Variants in KCTD19 observed in about 807,000 individuals in gnomAD.
The protein encoded by KCTD19 is BTB/POZ domain-containing protein KCTD19.
In KCTD19, 67 loss-of-function variants were observed where a neutral mutation model predicts 103.5. The ratio of observed to expected loss-of-function variants is 0.65; its 90% CI spans 0.53 to 0.79. The LOEUF (loss-of-function observed/expected upper bound fraction) is 0.79, where lower values mean the gene tolerates loss of function less well. Among genes scored for constraint, KCTD19 ranks in the 30% least tolerant of loss-of-function variants. The pLI is 0.00. For missense variants in KCTD19, 980 were observed against 1,136.1 expected, an observed-to-expected ratio of 0.86 and a Z score of 1.98; for synonymous variants, 439 against 452.2, an observed-to-expected ratio of 0.97 and a Z score of 0.37.
At chr16:67,317,444 C>T (rs2037024883) in intron 2 of KCTD19, among the ~76,000 whole-genome samples, 1 of 151,210 alleles carries the variant, frequency 6.6e-6, no homozygotes, top group South Asian at 2.1e-4. Flanking sequence ...CACCACTGCA[C>T]TCTCACCTGG....
chr16:67,294,060 T>C lies in KCTD19; in HGVS notation c.1702A>G (p.Thr568Ala), dbSNP rs1235996304. 6.2e-7 allele frequency: 1 copy of C among 1,614,108 alleles called. No homozygotes were observed. Among genetic ancestry groups the C allele is most frequent in the South Asian group, 1.1e-5 (1 of 91,078 alleles). Reference protein sequence around the residue: ...SNQMDEAEQYTRPIQVSLCRN... With the variant: ...SNQMDEAEQYARPIQVSLCRN... Reference sequence around the variant, plus strand: ...CATAGGGACACCTGGATGGGCCGAGTGTACTGCTCAGCCTCATCCATCTGG... The same window carrying C: ...CATAGGGACACCTGGATGGGCCGAGCGTACTGCTCAGCCTCATCCATCTGG... Residue 568 changes from threonine to alanine, a missense_variant, in exon 12 of 16, where the codon ACT (threonine) becomes GCT (alanine). Coordinates refer to ENST00000304372, the MANE Select transcript of KCTD19 (RefSeq NM_001100915.3).
In KCTD19 at chr16:67,295,246, G is replaced by A. The variant is rs1297970779; in HGVS notation, c.1391+17C>T. 20 of 1,612,948 alleles carry A rather than the reference G, an allele frequency of 1.2e-5. No individual in the cohort carries two copies. Among genetic ancestry groups the A allele is most frequent in the East Asian group, 2.2e-5 (1 of 44,862 alleles). ...AGCCTTCGTGATTTCATCTTACTGC[G>A]TCCTTGCTTCACTTACTTAAATTCA... is the stretch of plus-strand genomic sequence containing the variant. On this transcript the variant is annotated intron_variant, in intron 9 of 15. Coordinates refer to ENST00000304372, the MANE Select transcript of KCTD19 (RefSeq NM_001100915.3).
At chr16:67,299,035 G>T (rs2036801705) in intron 6 of KCTD19, among the ~76,000 whole-genome samples, 1 of 152,228 alleles carries the variant, frequency 6.6e-6, no homozygotes, top group Non-Finnish European at 1.5e-5. Context: ...GTCTGCACAG[G>T]GAGGTACCCA....
chr16:67,303,413 C>T lies in KCTD19; in HGVS notation c.452-76G>A. ...TGATTCCAGCAGGGCTTTCACTGAC[C>T]CAGGGGCCCCAGAGGATGCTAGAGA... On this transcript the variant is annotated intron_variant, in intron 3 of 15. Coordinates refer to ENST00000304372, the MANE Select transcript of KCTD19 (RefSeq NM_001100915.3). This position sits in a 1 kb window ranked among gnomAD's most constrained non-coding sequence, Gnocchi z 4.3. 3 of 1,290,042 alleles carry T rather than the reference C, an allele frequency of 2.3e-6. No homozygotes were observed. Among genetic ancestry groups the T allele is most frequent in the Non-Finnish European group, 3.2e-6 (3 of 935,110 alleles). The allele number at this position is 1,290,042 out of a possible 1,614,324, so 79.9% of individuals were successfully genotyped here. A position where few individuals can be genotyped will look rare whatever the true frequency, so the allele number is the denominator to read the frequency against.
At position 67,320,821 on chromosome 16, in the gene KCTD19, T is replaced by C. The variant is rs369646083; in HGVS notation, c.68A>G (p.His23Arg). ...DLFHFNVGGW[H>R]FSVPRSKLSQ... ...GAGTTTGCTTCTGGGAACTGAGAAA[T>C]GCCAGCCCCCTACGTTGAAATGAAA... The change falls in exon 2 of 16, where the codon CAT (histidine) becomes CGT (arginine). Residue 23 changes from histidine to arginine, a missense_variant. Transcript: ENST00000304372. This position sits in a 1 kb window ranked among gnomAD's most constrained non-coding sequence, Gnocchi z 4.0. 2.0e-5 allele frequency: 32 copies of C among 1,614,034 alleles called. No individual in the cohort carries two copies. The highest frequency in any genetic ancestry group is 1.6e-4 in the Middle Eastern group (1 of 6,084).
In KCTD19 at chr16:67,299,558, G is replaced by A; in HGVS notation, c.791C>T (p.Thr264Ile). Reference protein sequence around the residue: ...YRMNMGGCSPTTCSPLSPGKG... With the variant: ...YRMNMGGCSPITCSPLSPGKG... ...CCCGGGGCTCAGGGGAGAACAGGTG[G>A]TCGGGGAACAGCCACCTGTGTCAGA... is the stretch of plus-strand genomic sequence containing the variant. The change falls in exon 6 of 16, where the codon ACC becomes ATC. Residue 264 changes from threonine to isoleucine, a missense_variant. Physicochemically the swap from Thr to Ile is moderately conservative, Grantham distance 89. Coordinates refer to ENST00000304372, the MANE Select transcript of KCTD19 (RefSeq NM_001100915.3). 15 of 1,612,546 alleles carry A rather than the reference G, an allele frequency of 9.3e-6. No individual in the cohort carries two copies. In the African/African-American group the frequency reaches 9.3e-5, roughly 10 times the overall value.
At chr16:67,294,759 C>A (rs2036745311) in intron 10 of KCTD19, 65 bp from the exon 11 acceptor site, 4 of 1,193,500 alleles carry the variant, frequency 3.4e-6, no homozygotes, top group East Asian at 4.7e-5. Context: ...GCCAGTTGGT[C>A]AGATCTGCTC....
chr16:67,316,658 G>A (rs1349618520), intron 2 of KCTD19, among the ~76,000 whole-genome samples: 1 of 152,130 alleles, frequency 6.6e-6, no homozygotes, highest in Non-Finnish European at 1.5e-5. Flanking sequence ...TATTACACAG[G>A]AAGCACTGTT....
chr16:67,299,724 C>G, intron 5 of KCTD19, 151 bp from the exon 6 acceptor site: 1 of 616,862 alleles, frequency 1.6e-6, no homozygotes, highest in Non-Finnish European at 2.8e-6. Context: ...AAGATCTTCT[C>G]AAAATTAGTA....
intron 2 of KCTD19, among the ~76,000 whole-genome samples, chr16:67,304,798 G>A (rs946202444): frequency 2.6e-5 from 4 of 151,858 alleles, no homozygotes; most frequent in African/African-American, 7.3e-5. Context: ...CGAGTAGCTG[G>A]GATTACAGGC....
At chr16:67,315,465 C>T (rs2037001412) in intron 2 of KCTD19, among the ~76,000 whole-genome samples, 1 of 151,774 alleles carries the variant, frequency 6.6e-6, no homozygotes, top group African/African-American at 2.4e-5. Flanking sequence ...GCCACCATGC[C>T]CAGCTAATTT....
At chr16:67,297,984 G>A (rs1597394047) in intron 6 of KCTD19, among the ~76,000 whole-genome samples, 2 of 147,942 alleles carry the variant, frequency 1.4e-5, no homozygotes, top group African/African-American at 5.0e-5. Context: ...TAGAGACGGG[G>A]TTTCTTTTTT....
At chr16:67,290,167 C>CTTTTTTTT (rs11296444) in intron 15 of KCTD19, among the ~76,000 whole-genome samples, 7 of 69,314 alleles carry the variant, frequency 1.0e-4, no homozygotes, top group Non-Finnish European at 1.5e-4. Flanking sequence ...TGAATATTTT[C>CTTTTTTTT]TTTTTTTTTT....
At chr16:67,299,611 A>G in intron 5 of KCTD19, 38 bp from the exon 6 acceptor site, 1 of 1,558,302 alleles carries the variant, frequency 6.4e-7, no homozygotes, top group Non-Finnish European at 8.8e-7. Context: ...TAGGCCCCCC[A>G]TGGTCATAGC....
chr16:67,302,498 A>G (rs1412129689), intron 4 of KCTD19: 1 of 157,180 alleles, frequency 6.4e-6, no homozygotes, highest in Non-Finnish European at 1.4e-5. Flanking sequence ...TTACTGCCCT[A>G]TCTATCTAGA....
chr16:67,297,713 G>T (rs763018703), intron 6 of KCTD19, 50 bp from the exon 7 acceptor site: 2 of 1,577,586 alleles, frequency 1.3e-6, no homozygotes, highest in South Asian at 2.3e-5. Context: ...TGTACCCCAA[G>T]AGAGTCGAGC....
intron 1 of KCTD19, among the ~76,000 whole-genome samples, chr16:67,325,544 C>T (rs9933409): frequency 0.22 from 33,779 of 151,814 alleles, 7,626 homozygotes; most frequent in African/African-American, 0.58. Flanking sequence ...GCCCAGCCCA[C>T]CCTCTTTTCT....
intron 2 of KCTD19, among the ~76,000 whole-genome samples, chr16:67,304,920 G>A (rs1445341568): frequency 1.3e-5 from 2 of 151,972 alleles, no homozygotes; most frequent in East Asian, 1.9e-4. Context: ...CATCCGCCTC[G>A]GCCTCCCAAA....
At chr16:67,308,520 C>A (rs1189685330) in intron 2 of KCTD19, among the ~76,000 whole-genome samples, 1 of 152,124 alleles carries the variant, frequency 6.6e-6, no homozygotes, top group Non-Finnish European at 1.5e-5. Context: ...ACCCCATCAT[C>A]AGTGACACTA....
Sources: allele counts gnomAD v4.1 joint callset (sites outside exome capture counted in the v4.1 genomes callset), GRCh38; gene constraint gnomAD v4.1.1; non-coding constraint Gnocchi (gnomAD v3.1); transcripts MANE v1.5; gene names NCBI Gene and HGNC (gene_info 2026-07-23, HGNC 2026-07-21).